HDAC11: variants seen among roughly 807,000 people sequenced by gnomAD.
HDAC11 encodes the protein histone deacetylase 11.
A neutral mutation model predicts 41.1 loss-of-function variants in HDAC11; 23 were observed. The observed-to-expected ratio is 0.56, with a 90% CI of 0.40 to 0.79. HDAC11 has a LOEUF of 0.79. HDAC11 is among the 30% of genes least tolerant of loss of function. HDAC11 has a pLI of 0.00. For synonymous variants in HDAC11, 187 were observed against 186.6 expected, an observed-to-expected ratio of 1.00 and a Z score of -0.02; for missense variants, 402 against 477.3, an observed-to-expected ratio of 0.84 and a Z score of 1.47.
At chr3:13,492,062 T>G (rs1574899691) in intron 3 of HDAC11, among the ~76,000 whole-genome samples, 1 of 152,250 alleles carries the variant, frequency 6.6e-6, no homozygotes, top group African/African-American at 2.4e-5. Flanking sequence ...TCTGAGATGG[T>G]GCAGGCGATT....
Position 13,480,880 on chromosome 3 carries a change from A to G in HDAC11, c.3-366A>G, listed in dbSNP as rs1489885924. On this transcript the variant is annotated intron_variant, in intron 1 of 9. Transcript: ENST00000295757. This position sits in a 1 kb window ranked among gnomAD's most constrained non-coding sequence, Gnocchi z 4.6. ...CATTTTGCAGCCGAAGCCTTGTGCC[A>G]CACAGCTGTGGGGGCATTTATTACG... 1 of 392,968 alleles carries G rather than the reference A, an allele frequency of 2.5e-6. No individual in the cohort carries two copies. The highest frequency in any genetic ancestry group is 2.1e-5 in the African/African-American group (1 of 48,148). 24.3% of individuals were successfully genotyped at this position (392,968 alleles called of 1,614,324 possible).
In HDAC11 at chr3:13,504,474, G is replaced by A. The variant is rs781222934; in HGVS notation, c.835G>A (p.Val279Met). 1.2e-5 allele frequency: 19 copies of A among 1,613,206 alleles called. No homozygotes were observed. The highest frequency in any genetic ancestry group is 2.2e-5 in the East Asian group (1 of 44,878). Residue 279 changes from valine (V) to methionine (M), a missense_variant, in exon 10 of 10, where the codon GTG (valine) becomes ATG (methionine). Coordinates refer to ENST00000295757, the MANE Select transcript of HDAC11 (RefSeq NM_024827.4). Reference protein sequence around the residue: ...GGLSISPAGIVKRDELVFRMV... With the variant: ...GGLSISPAGIMKRDELVFRMV... The stretch of plus-strand genomic sequence containing the variant: ...CCTCCTCTTCCCCTAACAGGGCATC[G>A]TGAAGCGGGATGAGCTGGTGTTCCG...
intron 5 of HDAC11, among the ~76,000 whole-genome samples, chr3:13,499,065 C>T (rs1203074271): frequency 6.6e-6 from 1 of 152,232 alleles, no homozygotes; most frequent in African/African-American, 2.4e-5. Context: ...GAATCTCCCA[C>T]AAGATTGGCT....
chr3:13,483,345 C>T, intron 2 of HDAC11, 119 bp from the exon 3 acceptor site: 1 of 781,392 alleles, frequency 1.3e-6, no homozygotes, highest in Non-Finnish European at 2.2e-6. Context: ...GCCAGCAGTG[C>T]CTACCTACCC....
rs752634962 is a variant in HDAC11 at position 13,504,111 on chromosome 3, G to A, written c.667G>A (p.Val223Met). The change falls in exon 9 of 10, where the codon GTG becomes ATG. Residue 223 changes from valine (V) to methionine (M), a missense_variant. Val to Met is a conservative substitution (Grantham distance 21). Transcript: ENST00000295757. ...TCTCCCAGAGGCCATCAGGCGGAAGGTGGAGCTGGAGTGGGGCACAGAGGA... is the reference window on the plus strand; with the variant it reads ...TCTCCCAGAGGCCATCAGGCGGAAGATGGAGCTGGAGTGGGGCACAGAGGA... The part of the protein sequence containing the change: ...RFAKQAIRRK[V>M]ELEWGTEDDE... 3 of 1,614,072 alleles carry A rather than the reference G, an allele frequency of 1.9e-6. No individual in the cohort carries two copies. The highest frequency in any genetic ancestry group is 1.1e-5 in the South Asian group (1 of 91,084).
At chr3:13,487,959 G>A (rs1024250861) in intron 3 of HDAC11, among the ~76,000 whole-genome samples, 1 of 151,910 alleles carries the variant, frequency 6.6e-6, no homozygotes, top group Non-Finnish European at 1.5e-5. Flanking sequence ...CAGGAGTCAG[G>A]AAAGGGCTTA....
At chr3:13,492,787 G>A (rs1357340202) in intron 3 of HDAC11, among the ~76,000 whole-genome samples, 7 of 152,058 alleles carry the variant, frequency 4.6e-5, no homozygotes, top group African/African-American at 1.4e-4. Flanking sequence ...CAAGTAATCC[G>A]CCTACCTCAG....
chr3:13,504,832 T>C lies in HDAC11; in HGVS notation c.*149T>C. ...TGGGGCCTGGAGCTGGCCCTTCCTC[T>C]ACTTTTCCCTGCTGGAAGCCAGAAG... On this transcript the variant is annotated 3_prime_UTR_variant, in exon 10 of 10. Transcript: ENST00000295757. The C allele has an allele frequency of 1.4e-6, 1 of 706,232 alleles. No individual in the cohort carries two copies. The highest frequency in any genetic ancestry group is 2.4e-6 in the Non-Finnish European group (1 of 420,244). 43.7% of individuals were successfully genotyped at this position (706,232 alleles called of 1,614,324 possible).
intron 3 of HDAC11, among the ~76,000 whole-genome samples, chr3:13,486,999 G>A (rs1256594837): frequency 2.6e-5 from 4 of 152,148 alleles, no homozygotes; most frequent in Admixed American, 6.5e-5. Flanking sequence ...ATAAAACATT[G>A]TGGCTCGTAC....
chr3:13,493,873 G>A (rs1701974249), intron 3 of HDAC11, among the ~76,000 whole-genome samples: 2 of 152,240 alleles, frequency 1.3e-5, no homozygotes, highest in Non-Finnish European at 2.9e-5. Flanking sequence ...AGGATACCAA[G>A]GAACCTCTTT....
At chr3:13,501,123 A>T (rs1300554290) in intron 6 of HDAC11, among the ~76,000 whole-genome samples, 2 of 152,220 alleles carry the variant, frequency 1.3e-5, no homozygotes, top group African/African-American at 4.8e-5. Context: ...TAGGGAGTGG[A>T]AAGAATGATG....
chr3:13,492,669 G>C (rs1701919613), intron 3 of HDAC11, among the ~76,000 whole-genome samples: 1 of 152,134 alleles, frequency 6.6e-6, no homozygotes, highest in Non-Finnish European at 1.5e-5. Context: ...CTCGCCTCCT[G>C]AGTAGCTGGG....
chr3:13,493,677 G>C (rs762113134), intron 3 of HDAC11, among the ~76,000 whole-genome samples: 1 of 152,232 alleles, frequency 6.6e-6, no homozygotes, highest in South Asian at 2.1e-4. Context: ...CCAGGAGAAG[G>C]CCCAAGTGCC....
intron 2 of HDAC11, among the ~76,000 whole-genome samples, chr3:13,482,537 C>T (rs1457691439): frequency 6.6e-6 from 1 of 152,168 alleles, no homozygotes; most frequent in Non-Finnish European, 1.5e-5. Context: ...AATCCCAGCA[C>T]TCTGGGAGGC....
chr3:13,491,068 T>TTGTGTGTGTGTGTGTGTG (rs58333021), intron 3 of HDAC11, among the ~76,000 whole-genome samples: 1 of 140,316 alleles, frequency 7.1e-6, no homozygotes, highest in Non-Finnish European at 1.5e-5. Flanking sequence ...GCTTTAATAG[T>TTGTGTGTGTGTGTGTGTG]TGTGTGTGTG....
intron 5 of HDAC11, 21 bp from the exon 6 acceptor site, chr3:13,500,692 C>A: frequency 1.3e-6 from 2 of 1,569,392 alleles, no homozygotes; most frequent in South Asian, 1.2e-5. Context: ...CTGAGCAGCA[C>A]CGCTCTCTGC....
intron 8 of HDAC11, 147 bp downstream of exon 8, chr3:13,503,127 G>C (rs1702450578): frequency 3.5e-6 from 2 of 566,546 alleles, no homozygotes; most frequent in Middle Eastern, 4.0e-4. Flanking sequence ...TTACAGATGA[G>C]GAAACCGAGA....
intron 2 of HDAC11, among the ~76,000 whole-genome samples, chr3:13,482,039 C>T (rs1701345384): frequency 6.6e-6 from 1 of 152,218 alleles, no homozygotes. Context: ...GGCACACTGG[C>T]TGCCTGCTTG....
chr3:13,501,795 G>A, intron 6 of HDAC11, 76 bp from the exon 7 acceptor site: 3 of 1,398,150 alleles, frequency 2.1e-6, no homozygotes, highest in Non-Finnish European at 3.0e-6. Flanking sequence ...CCCCTCGCCA[G>A]CCAGCTGGGA....
Sources: allele counts gnomAD v4.1 joint callset (sites outside exome capture counted in the v4.1 genomes callset), GRCh38; gene constraint gnomAD v4.1.1; non-coding constraint Gnocchi (gnomAD v3.1); transcripts MANE v1.5; gene names NCBI Gene and HGNC (gene_info 2026-07-23, HGNC 2026-07-21).